CHID1: variants seen among roughly 807,000 people sequenced by gnomAD.
CHID1 encodes the protein chitinase domain-containing protein 1.
Under a neutral mutation model 55.4 loss-of-function variants are expected in CHID1, and 44 were observed. The observed-to-expected ratio is 0.79, with a 90% CI of 0.62 to 1.02. The LOEUF is 1.02. CHID1 is among the 50% of genes least tolerant of loss of function. The probability of loss-of-function intolerance (pLI) is 0.00; values close to 1 mark genes in which losing one functional copy is unlikely to be tolerated. For missense variants in CHID1, 491 were observed against 515.3 expected (o/e 0.95, Z 0.46); for synonymous variants, 216 against 212.9 (o/e 1.01, Z -0.13).
At chr11:885,092 G>A (rs905683768) in intron 8 of CHID1, among the ~76,000 whole-genome samples, 4 of 152,246 alleles carry the variant, frequency 2.6e-5, no homozygotes, top group East Asian at 1.9e-4. Flanking sequence ...GGACGCGGCC[G>A]GAGGAGCAGC....
At chr11:879,451 AGAG>A (rs1033793841) in intron 10 of CHID1, among the ~76,000 whole-genome samples, 13 of 34,788 alleles carry the variant, frequency 3.7e-4, no homozygotes, top group Admixed American at 1.1e-3. Flanking sequence ...TCTTATAAGA[AGAG>A]GAGAAGAGGA....
At chr11:898,551 T>C (rs1273753873) in intron 7 of CHID1, among the ~76,000 whole-genome samples, 1 of 152,228 alleles carries the variant, frequency 6.6e-6, no homozygotes, top group East Asian at 1.9e-4. Flanking sequence ...TGGGGAGCAG[T>C]ACTGTCCCCC....
chr11:891,042 C>G (rs930144106), intron 8 of CHID1, among the ~76,000 whole-genome samples: 14 of 152,174 alleles, frequency 9.2e-5, no homozygotes, highest in African/African-American at 3.4e-4. Flanking sequence ...GCACCAGGGA[C>G]AGGGATTTAC....
intron 10 of CHID1, among the ~76,000 whole-genome samples, chr11:878,722 GAC>G (rs1413869444): frequency 6.6e-6 from 1 of 151,398 alleles, no homozygotes; most frequent in African/African-American, 2.4e-5. Context: ...TTTAATTTGA[GAC>G]AGAGTCTCGC....
At chr11:898,756 G>A (rs949729524) in intron 7 of CHID1, among the ~76,000 whole-genome samples, 1 of 152,212 alleles carries the variant, frequency 6.6e-6, no homozygotes, top group African/African-American at 2.4e-5. Context: ...GGCCCACAGG[G>A]AGTGGGAACC....
At chr11:877,269 G>A (rs1849581885) in intron 10 of CHID1, among the ~76,000 whole-genome samples, 1 of 152,170 alleles carries the variant, frequency 6.6e-6, no homozygotes, top group Admixed American at 6.5e-5. Flanking sequence ...GGAAGCTGCT[G>A]AAGGCTTTGG....
At chr11:881,994 A>G (rs1416628090) in intron 10 of CHID1, among the ~76,000 whole-genome samples, 69 of 138,754 alleles carry the variant, frequency 5.0e-4, no homozygotes, top group African/African-American at 1.8e-3. Context: ...ACAGGGTGAG[A>G]CCCTGTCTCA....
intron 10 of CHID1, 48 bp downstream of exon 10, chr11:883,100 C>T (rs1439529176): frequency 6.3e-7 from 1 of 1,579,908 alleles, no homozygotes; most frequent in Non-Finnish European, 8.6e-7. Flanking sequence ...CCACACCCAC[C>T]CGCGCCCAGT....
intron 10 of CHID1, among the ~76,000 whole-genome samples, chr11:879,004 G>A (rs926324849): frequency 6.6e-6 from 1 of 151,858 alleles, no homozygotes; most frequent in African/African-American, 2.4e-5. Flanking sequence ...CCTCCACCAC[G>A]CCCGGCTAAT....
chr11:870,593 G>GGCCACTCGGGGCAGC (rs1224203030), intron 10 of CHID1, 94 bp from the exon 11 acceptor site: 197 of 846,412 alleles, frequency 2.3e-4, no homozygotes, highest in Non-Finnish European at 3.0e-4. Context: ...GCAGGGGCAG[G>GGCCACTCGGGGCAGC]GCCACTCGGG....
chr11:910,762 C>T lies in CHID1; in HGVS notation c.-44+13G>A, dbSNP rs1270894837. On this transcript the variant is annotated intron_variant, in intron 1 of 12. Transcript: ENST00000323578. Reference sequence around the variant, plus strand: ...AAGGAGGAGGAGCAGGGGCCGGCCGCCGCGGGGCTCACCTGCATGTCAGGG... The same window carrying T: ...AAGGAGGAGGAGCAGGGGCCGGCCGTCGCGGGGCTCACCTGCATGTCAGGG... 4 of 1,177,634 alleles carry T rather than the reference C, an allele frequency of 3.4e-6. No homozygotes were observed. The highest frequency in any genetic ancestry group is 4.3e-6 in the Non-Finnish European group (4 of 938,864). The allele number at this position is 1,177,634 out of a possible 1,614,324, so 72.9% of individuals were successfully genotyped here.
chr11:913,482 G>C (rs1852800541), upstream of CHID1, among the ~76,000 whole-genome samples: 1 of 152,004 alleles, frequency 6.6e-6, no homozygotes, highest in African/African-American at 2.4e-5. Context: ...CCCCTTTAAA[G>C]TGACTGCAGG....
intron 10 of CHID1, among the ~76,000 whole-genome samples, chr11:873,391 A>G (rs1249806904): frequency 1.3e-5 from 2 of 152,084 alleles, no homozygotes; most frequent in African/African-American, 4.8e-5. Context: ...TGTGATGGAC[A>G]AGCACACCAG....
intron 3 of CHID1, 132 bp downstream of exon 3, chr11:902,830 A>C (rs1240880234): frequency 1.2e-6 from 1 of 843,328 alleles, no homozygotes; most frequent in Non-Finnish European, 1.8e-6. Context: ...CCGTAGCCTC[A>C]CAGCAGCAGC....
At chr11:912,796 C>A (rs1270326795), upstream of CHID1, among the ~76,000 whole-genome samples, 2 of 149,672 alleles carry the variant, frequency 1.3e-5, no homozygotes, top group Non-Finnish European at 3.0e-5. Flanking sequence ...GTGAGCCAAG[C>A]CATTGCACTC....
At chr11:897,666 G>A (rs367702563) in intron 7 of CHID1, among the ~76,000 whole-genome samples, 3 of 152,272 alleles carry the variant, frequency 2.0e-5, no homozygotes, top group African/African-American at 7.2e-5. Flanking sequence ...ACTGCAGTGC[G>A]CCTCCCAGCC....
chr11:902,447 C>G, intron 3 of CHID1, 117 bp from the exon 4 acceptor site: 1 of 1,139,192 alleles, frequency 8.8e-7, no homozygotes. Context: ...AGACAGATAC[C>G]AGCCCGGACT....
chr11:912,331 G>GA (rs1000795183), upstream of CHID1, among the ~76,000 whole-genome samples: 14 of 151,956 alleles, frequency 9.2e-5, no homozygotes, highest in Non-Finnish European at 1.0e-4. Context: ...ACAAAAAAAA[G>GA]AATTGCAGAA....
At chr11:913,697 G>A (rs1360787371), upstream of CHID1, among the ~76,000 whole-genome samples, 2 of 151,666 alleles carry the variant, frequency 1.3e-5, no homozygotes. Flanking sequence ...CGCTTGAACT[G>A]GGGAGGTGGA....
Sources: allele counts gnomAD v4.1 joint callset (sites outside exome capture counted in the v4.1 genomes callset), GRCh38; gene constraint gnomAD v4.1.1; transcripts MANE v1.5; gene names NCBI Gene and HGNC (gene_info 2026-07-23, HGNC 2026-07-21).